LIPA: variants seen among roughly 807,000 people sequenced by gnomAD.
LIPA encodes the protein lipase A, lysosomal acid type.
LIPA carries 26 observed loss-of-function variants against 40.6 expected under a neutral mutation model. The ratio of observed to expected loss-of-function variants is 0.64; its 90% CI spans 0.47 to 0.89. The LOEUF (loss-of-function observed/expected upper bound fraction) is 0.89, where lower values mean the gene tolerates loss of function less well. Ranked by LOEUF, LIPA falls within the 40% of genes least tolerant of loss-of-function variation. LIPA has a pLI of 0.00. For missense variants in LIPA, 455 were observed against 479.6 expected, an observed-to-expected ratio of 0.95 and a Z score of 0.48; for synonymous variants, 188 against 168.4, an observed-to-expected ratio of 1.12 and a Z score of -0.90.
intron 1 of LIPA, among the ~76,000 whole-genome samples, chr10:89,296,525 G>A (rs1047244231): frequency 6.7e-6 from 1 of 149,384 alleles, no homozygotes. Context: ...AGAAGAACTT[G>A]TAAACAGAAA....
At chr10:89,402,693 G>A (rs1844450384) in intron 2 of LIPA, 5 of 1,614,204 alleles carry the variant, frequency 3.1e-6, no homozygotes, top group Non-Finnish European at 4.2e-6. Flanking sequence ...GGAGTGTCCA[G>A]AAATAGACTG....
At chr10:89,414,490 GTCTGGCCGCGGCTC>G in exon 1 of LIPA, 1 of 368,500 alleles carries the variant, frequency 2.7e-6, no homozygotes, top group Non-Finnish European at 4.8e-6. Flanking sequence ...CTCCGCAAAC[GTCTGGCCGCGGCTC>G]TTGAGCTCTT....
At chr10:89,358,358 C>T (rs894985632) in intron 2 of LIPA, among the ~76,000 whole-genome samples, 12 of 152,178 alleles carry the variant, frequency 7.9e-5, no homozygotes, top group African/African-American at 2.9e-4. Context: ...AGTACAGCCA[C>T]TATGGAAAAC....
chr10:89,336,315 A>G (rs2133558362), intron 1 of LIPA, among the ~76,000 whole-genome samples: 1 of 152,306 alleles, frequency 6.6e-6, no homozygotes, highest in Non-Finnish European at 1.5e-5. Context: ...GGGACCAAGA[A>G]AAGGAAAAGG....
At chr10:89,321,021 A>C (rs1351070901) in intron 1 of LIPA, among the ~76,000 whole-genome samples, 1 of 152,064 alleles carries the variant, frequency 6.6e-6, no homozygotes, top group Non-Finnish European at 1.5e-5. Context: ...CCATATGTAG[A>C]AAGCTGAAAC....
At chr10:89,307,248 AG>A in intron 1 of LIPA, 2 of 1,614,096 alleles carry the variant, frequency 1.2e-6, no homozygotes. Context: ...GCAGATTCTG[AG>A]GCTTTGCATG....
intron 1 of LIPA, among the ~76,000 whole-genome samples, chr10:89,314,057 C>T (rs990727127): frequency 2.0e-5 from 3 of 152,118 alleles, no homozygotes; most frequent in African/African-American, 7.2e-5. Context: ...CACTCTTATT[C>T]CAAATATAAT....
chr10:89,232,142 T>C (rs1374757034), intron 3 of LIPA, among the ~76,000 whole-genome samples: 1 of 152,190 alleles, frequency 6.6e-6, no homozygotes, highest in Non-Finnish European at 1.5e-5. Context: ...TTGAAAAATG[T>C]GTAACTACAG....
chr10:89,299,915 G>A (rs1290951140), intron 1 of LIPA, among the ~76,000 whole-genome samples: 1 of 152,146 alleles, frequency 6.6e-6, no homozygotes, highest in Non-Finnish European at 1.5e-5. Context: ...CACACTACTG[G>A]ATGTCTATCC....
At chr10:89,327,217 A>G (rs1048771298) in intron 1 of LIPA, among the ~76,000 whole-genome samples, 3 of 152,226 alleles carry the variant, frequency 2.0e-5, no homozygotes, top group African/African-American at 7.2e-5. Flanking sequence ...AGCAGGCTTC[A>G]GAGAGAATAG....
chr10:89,231,616 G>T (rs371757191), intron 3 of LIPA, among the ~76,000 whole-genome samples: 5 of 152,250 alleles, frequency 3.3e-5, no homozygotes, highest in African/African-American at 1.2e-4. Flanking sequence ...TGGGATTACA[G>T]GTGTGTACCA....
At chr10:89,359,039 A>G (rs1487305953) in intron 2 of LIPA, among the ~76,000 whole-genome samples, 2 of 152,206 alleles carry the variant, frequency 1.3e-5, no homozygotes, top group African/African-American at 4.8e-5. Flanking sequence ...AATGGAGCAA[A>G]GGAGGATGCC....
Position 89,387,274 on chromosome 10 carries a change from C to T in LIPA, c.61+25517G>A, listed in dbSNP as rs11203104. ...GAGCTTGCAGTGAGCCGAGAGATCC[C>T]GCCACTGTACTCCAGTCTGGGTGAC... is the stretch of plus-strand genomic sequence containing the variant. On this transcript the variant is annotated intron_variant, in intron 2 of 8. Coordinates refer to the LIPA transcript ENST00000371837. Among the ~76,000 whole-genome samples, 138 of 150,232 alleles carry T rather than the reference C, an allele frequency of 9.2e-4. 3 individuals are homozygous for T. The East Asian group carries it at 0.018, about 19-fold the overall frequency.
chr10:89,254,139 G>A (rs770557555), upstream of LIPA, among the ~76,000 whole-genome samples: 3 of 152,226 alleles, frequency 2.0e-5, no homozygotes, highest in Non-Finnish European at 4.4e-5. Context: ...ACTAGGCAGT[G>A]CCCCATTGGG....
At position 89,245,706 on chromosome 10, in the gene LIPA, G is replaced by A; in HGVS notation, c.199C>T (p.Pro67Ser). 1.3e-6 allele frequency: 2 copies of A among 1,597,446 alleles called. No individual in the cohort carries two copies. Among genetic ancestry groups the A allele is most frequent in the Middle Eastern group, 1.7e-4 (1 of 5,982 alleles). The change falls in exon 3 of 10, where the codon CCT becomes TCT. Residue 67 changes from proline (P) to serine (S), a missense_variant. By Grantham distance (74) the Pro-to-Ser change is moderately conservative. Transcript: ENST00000336233. ...DGYILCLNRI[P>S]HGRKNHSDKG... ...TCAGAATGGTTCTTCCTCCCATGAG[G>A]AATTCGGTTAAGGCACAGAATATAT... is the stretch of plus-strand genomic sequence containing the variant.
At chr10:89,237,143 GT>G (rs1842914926) in intron 3 of LIPA, among the ~76,000 whole-genome samples, 1 of 152,148 alleles carries the variant, frequency 6.6e-6, no homozygotes, top group Admixed American at 6.5e-5. Flanking sequence ...GCCGAGTATG[GT>G]TGGCACATGT....
intron 4 of LIPA, 59 bp from the exon 5 acceptor site, chr10:89,227,063 T>C: frequency 9.7e-7 from 1 of 1,028,870 alleles, no homozygotes; most frequent in Non-Finnish European, 1.5e-6. Flanking sequence ...AGCACACACA[T>C]ACTGAGTATG....
chr10:89,389,753 G>T (rs1210057418), intron 2 of LIPA, among the ~76,000 whole-genome samples: 1 of 152,136 alleles, frequency 6.6e-6, no homozygotes, highest in East Asian at 1.9e-4. Flanking sequence ...GAATGAAGAA[G>T]AGACTAAGGA....
At chr10:89,297,000 C>A (rs908362092) in intron 1 of LIPA, among the ~76,000 whole-genome samples, 3 of 152,148 alleles carry the variant, frequency 2.0e-5, no homozygotes, top group African/African-American at 7.2e-5. Flanking sequence ...GACACCCACC[C>A]TCTCTAGAAA....
Sources: allele counts gnomAD v4.1 joint callset (sites outside exome capture counted in the v4.1 genomes callset), GRCh38; gene constraint gnomAD v4.1.1; transcripts MANE v1.5; gene names NCBI Gene and HGNC (gene_info 2026-07-23, HGNC 2026-07-21).